The following DPY19L4 variants were observed in gnomAD, a reference collection of about 807,000 sequenced individuals.
The protein encoded by DPY19L4 is probable C-mannosyltransferase DPY19L4.
DPY19L4 carries 97 observed loss-of-function variants against 102.8 expected under a neutral mutation model. The observed-to-expected ratio is 0.94, with a 90% confidence interval of 0.80 to 1.12. The LOEUF is 1.12. Among genes scored for constraint, DPY19L4 ranks in the 50% most tolerant of loss-of-function variants. The pLI is 0.00. For missense variants in DPY19L4, 815 were observed against 850.4 expected (o/e 0.96, Z 0.52); for synonymous variants, 252 against 283.1 (o/e 0.89, Z 1.10).
chr8:94,736,626 C>T (rs1811199776), intron 3 of DPY19L4, among the ~76,000 whole-genome samples: 1 of 152,242 alleles, frequency 6.6e-6, no homozygotes. Context: ...TTGATTCAGT[C>T]TAAAAAGCAC....
At chr8:94,740,724 G>A (rs991210418) in intron 6 of DPY19L4, among the ~76,000 whole-genome samples, 3 of 152,124 alleles carry the variant, frequency 2.0e-5, no homozygotes, top group African/African-American at 7.2e-5. Flanking sequence ...CAAAGTGTTG[G>A]GATTACAGGT....
In DPY19L4 at chr8:94,766,498, T is replaced by C. The variant is rs1261792903; in HGVS notation, c.1102-114T>C. 8 of 828,540 alleles carry C rather than the reference T, an allele frequency of 9.7e-6. No homozygotes were observed. In the East Asian group the frequency reaches 2.1e-4, roughly 22 times the overall value. The allele number at this position is 828,540 out of a possible 1,614,324, so 51.3% of individuals were successfully genotyped here. A position where few individuals can be genotyped will look rare whatever the true frequency, so the allele number is the denominator to read the frequency against. On this transcript the variant is annotated intron_variant, in intron 10 of 18. Transcript: ENST00000414645. ...TCATAGTCATACCGTATATTATTTATTCATATTTTTGTTTTGTAGTCTTGT... is the reference window on the plus strand; with the variant it reads ...TCATAGTCATACCGTATATTATTTACTCATATTTTTGTTTTGTAGTCTTGT...
intron 13 of DPY19L4, among the ~76,000 whole-genome samples, chr8:94,772,521 A>G (rs1234328816): frequency 2.0e-5 from 3 of 152,250 alleles, no homozygotes; most frequent in Admixed American, 6.5e-5. Context: ...GTTCCCTCCC[A>G]GTGGAATCGT....
intron 7 of DPY19L4, among the ~76,000 whole-genome samples, chr8:94,760,216 T>C (rs1812342414): frequency 6.6e-6 from 1 of 152,192 alleles, no homozygotes; most frequent in Admixed American, 6.5e-5. Flanking sequence ...TTTGTTTTAG[T>C]ATGTTGTAGG....
In DPY19L4 at chr8:94,788,053, G is replaced by T; in HGVS notation, c.2007+1G>T. 7.0e-7 allele frequency: 1 copy of T among 1,423,518 alleles called. No homozygotes were observed. Among genetic ancestry groups the T allele is most frequent in the Non-Finnish European group, 9.2e-7 (1 of 1,086,860 alleles). 88.2% of individuals were successfully genotyped at this position (1,423,518 alleles called of 1,614,324 possible). A position where few individuals can be genotyped will look rare whatever the true frequency, so the allele number is the denominator to read the frequency against. The stretch of plus-strand genomic sequence containing the variant: ...TTTATTAGACATTGCAAATGGCCAC[G>T]TAAGTAACCATTTGGAAAGTTATAT... On this transcript the variant is annotated splice_donor_variant, in intron 18 of 18. Transcript: ENST00000414645. LOFTEE classifies it high-confidence loss of function.
intron 1 of DPY19L4, among the ~76,000 whole-genome samples, chr8:94,721,540 T>C (rs1363438437): frequency 6.6e-6 from 1 of 152,222 alleles, no homozygotes; most frequent in Non-Finnish European, 1.5e-5. Context: ...ATATCATCAT[T>C]TGAAATATTT....
chr8:94,789,468 G>A (rs1259428512), intron 18 of DPY19L4, among the ~76,000 whole-genome samples: 1 of 152,076 alleles, frequency 6.6e-6, no homozygotes, highest in Non-Finnish European at 1.5e-5. Context: ...GATGATAATG[G>A]ATTATGGAAA....
At chr8:94,761,583 A>T in intron 7 of DPY19L4, 117 bp from the exon 8 acceptor site, 1 of 939,986 alleles carries the variant, frequency 1.1e-6, no homozygotes, top group Non-Finnish European at 1.4e-6. Context: ...AAGTTTCAAT[A>T]ATTATATAGC....
chr8:94,787,627 C>T (rs1813708928), intron 17 of DPY19L4, among the ~76,000 whole-genome samples: 1 of 151,930 alleles, frequency 6.6e-6, no homozygotes. Context: ...GACTGAAAAG[C>T]TTTATTATCT....
chr8:94,793,111 A>G lies in DPY19L4; in HGVS notation c.*3201A>G, dbSNP rs1813929180. ...TTCTTCATTTACTTTCTGTGTATAT[A>G]GGCAGCATATTTTTTTTGTAGAACA... On this transcript the variant is annotated 3_prime_UTR_variant, in exon 19 of 19. Transcript: ENST00000414645. 6.6e-6 allele frequency: 1 copy of G among 152,238 alleles called. No individual in the cohort carries two copies. Among genetic ancestry groups the G allele is most frequent in the Non-Finnish European group, 1.5e-5 (1 of 68,040 alleles). 9.4% of individuals were successfully genotyped at this position (152,238 alleles called of 1,614,324 possible).
chr8:94,765,681 T>C (rs759427534), intron 9 of DPY19L4, 30 bp from the exon 10 acceptor site: 2 of 1,493,746 alleles, frequency 1.3e-6, no homozygotes, highest in Non-Finnish European at 1.9e-6. Context: ...AACACCTCAC[T>C]TCTTTGTTCA....
At chr8:94,783,335 C>T (rs1405264034) in intron 16 of DPY19L4, among the ~76,000 whole-genome samples, 1 of 152,140 alleles carries the variant, frequency 6.6e-6, no homozygotes, top group African/African-American at 2.4e-5. Flanking sequence ...GAACTAGCCA[C>T]CTTATCTAAA....
rs1457309577 is a variant in DPY19L4, at chr8:94,793,128, T to C, written c.*3218T>C. The C allele has an allele frequency of 6.6e-5, 10 of 152,218 alleles. No homozygotes were observed. Among genetic ancestry groups the C allele is most frequent in the Admixed American group, 6.5e-4 (10 of 15,284 alleles). The allele number at this position is 152,218 out of a possible 1,614,324, so 9.4% of individuals were successfully genotyped here. On this transcript the variant is annotated 3_prime_UTR_variant, in exon 19 of 19. Transcript: ENST00000414645. The stretch of plus-strand genomic sequence containing the variant: ...GTGTATATAGGCAGCATATTTTTTT[T>C]GTAGAACATTAACCCAGATTGCTAA...
chr8:94,732,299 C>T (rs888420010), intron 2 of DPY19L4, among the ~76,000 whole-genome samples: 1 of 152,058 alleles, frequency 6.6e-6, no homozygotes, highest in Middle Eastern at 3.4e-3. Context: ...GCCTTTAGTC[C>T]CTTATTTTTT....
intron 1 of DPY19L4, among the ~76,000 whole-genome samples, chr8:94,722,479 C>T (rs1190233106): frequency 2.6e-5 from 4 of 152,100 alleles, no homozygotes; most frequent in African/African-American, 4.8e-5. Flanking sequence ...CAGTTAAATA[C>T]ATCTTACATG....
chr8:94,738,515 T>TC (rs1329898054), intron 4 of DPY19L4, 56 bp downstream of exon 4: 2 of 1,131,588 alleles, frequency 1.8e-6, no homozygotes, highest in Non-Finnish European at 2.4e-6. Context: ...TCTTTTCTTT[T>TC]CTTTTTTTTT....
intron 6 of DPY19L4, among the ~76,000 whole-genome samples, chr8:94,752,868 T>C (rs1812006121): frequency 1.3e-5 from 2 of 152,040 alleles, no homozygotes; most frequent in African/African-American, 4.8e-5. Flanking sequence ...GGTTTCACCA[T>C]GTTAGCCAGG....
Position 94,780,654 on chromosome 8 carries a change from A to G in DPY19L4, c.1632+239A>G, listed in dbSNP as rs1265974545. On this transcript the variant is annotated intron_variant, in intron 15 of 18. Transcript: ENST00000414645. The stretch of plus-strand genomic sequence containing the variant: ...AATGCTAGTGTTAATTCAGTTTATA[A>G]TTGGCAAAGGAAATTGCTGAGTAAA... Among the ~76,000 whole-genome samples, 6 of 152,148 alleles carry G rather than the reference A, an allele frequency of 3.9e-5. 1 individual carries two copies. Among genetic ancestry groups the G allele is most frequent in the Non-Finnish European group, 8.8e-5 (6 of 67,996 alleles).
chr8:94,773,215 A>G (rs1813008840), intron 13 of DPY19L4, among the ~76,000 whole-genome samples: 1 of 133,370 alleles, frequency 7.5e-6, no homozygotes, highest in Non-Finnish European at 1.5e-5. Flanking sequence ...CTCCGTATCA[A>G]AAAAAAAAAA....
Sources: gnomAD v4.1 joint callset for allele counts (sites outside exome capture counted in the v4.1 genomes callset) on GRCh38, gnomAD v4.1.1 for gene constraint, MANE v1.5 for transcripts, NCBI Gene and HGNC (gene_info 2026-07-23, HGNC 2026-07-21) for gene names.